Variants in SLC35F3 observed in about 807,000 individuals in gnomAD.
SLC35F3 encodes the protein solute carrier family 35 member F3.
Under a neutral mutation model 49.9 loss-of-function variants are expected in SLC35F3, and 25 were observed. The ratio of observed to expected loss-of-function variants is 0.50; its 90% CI spans 0.37 to 0.70. The LOEUF is 0.70. SLC35F3 is among the 30% of genes least tolerant of loss of function. The probability of loss-of-function intolerance (pLI) is 0.00; values close to 1 mark genes in which losing one functional copy is unlikely to be tolerated. For missense variants in SLC35F3, 525 were observed against 639.8 expected (o/e 0.82, Z 1.94); for synonymous variants, 275 against 265.4 (o/e 1.04, Z -0.35).
rs568286043 is a variant in SLC35F3 at position 234,148,851 on chromosome 1, G to T, written c.284-82566G>T. Among the ~76,000 whole-genome samples, 7 of 152,096 alleles carry T rather than the reference G, an allele frequency of 4.6e-5. No individual in the cohort carries two copies. The South Asian group carries it at 1.5e-3, about 32-fold the overall frequency. ...CTGATGAACTGGATATGAGGGAAGA[G>T]GAAAAAAAAGAAATTGACTCCTAGG... On this transcript the variant is annotated intron_variant, in intron 2 of 7. Coordinates refer to ENST00000366618, the MANE Select transcript of SLC35F3 (RefSeq NM_173508.4).
At chr1:234,088,262 C>T (rs1664989235) in intron 2 of SLC35F3, among the ~76,000 whole-genome samples, 1 of 152,204 alleles carries the variant, frequency 6.6e-6, no homozygotes, top group Non-Finnish European at 1.5e-5. Flanking sequence ...GGCTGCAGTA[C>T]AGTGGCGCGA....
intron 2 of SLC35F3, among the ~76,000 whole-genome samples, chr1:234,115,156 G>C (rs574486207): frequency 6.6e-6 from 1 of 152,132 alleles, no homozygotes. Context: ...GCCCCAGTAA[G>C]GAAGTGTCTA....
chr1:234,234,575 G>GGAA (rs1667433967), intron 3 of SLC35F3, among the ~76,000 whole-genome samples: 1 of 152,158 alleles, frequency 6.6e-6, no homozygotes, highest in Non-Finnish European at 1.5e-5. Context: ...ATGCCCTGGA[G>GGAA]TTGTTGAGTC....
intron 3 of SLC35F3, among the ~76,000 whole-genome samples, chr1:234,263,926 T>C (rs1241422979): frequency 1.3e-5 from 2 of 152,088 alleles, no homozygotes; most frequent in African/African-American, 4.8e-5. Context: ...CTGGCCAACA[T>C]GGTGAAGCCC....
intron 2 of SLC35F3, among the ~76,000 whole-genome samples, chr1:234,149,614 T>TTA (rs1462771387): frequency 6.6e-6 from 1 of 152,150 alleles, no homozygotes; most frequent in African/African-American, 2.4e-5. Context: ...ATCCTATGAA[T>TTA]TCCTGGACAT....
At chr1:233,912,018 T>G (rs1046364774) in intron 2 of SLC35F3, among the ~76,000 whole-genome samples, 3 of 152,194 alleles carry the variant, frequency 2.0e-5, no homozygotes, top group Admixed American at 6.5e-5. Flanking sequence ...TAAATCCACA[T>G]GCAAATGCAC....
In SLC35F3 at chr1:234,318,864, C is replaced by T. The variant is rs766681527; in HGVS notation, c.1068C>T (p.Tyr356=). 94 of 1,614,060 alleles carry T rather than the reference C, an allele frequency of 5.8e-5. No homozygotes were observed. Among genetic ancestry groups the T allele is most frequent in the Non-Finnish European group, 7.5e-5 (89 of 1,180,030 alleles). ...LFITCIPIIL[Y]FTKVEYWSSF... ...TCACCTGCATTCCTATTATCCTCTACTTTACCAAAGTGGAATACTGGAGCT... is the reference window on the plus strand; with the variant it reads ...TCACCTGCATTCCTATTATCCTCTATTTTACCAAAGTGGAATACTGGAGCT... Residue 356 remains tyrosine, a synonymous_variant, in exon 6 of 8, where the codon TAC becomes TAT. Transcript: ENST00000366618.
At chr1:234,122,569 T>C (rs985236468) in intron 2 of SLC35F3, among the ~76,000 whole-genome samples, 25 of 152,160 alleles carry the variant, frequency 1.6e-4, no homozygotes, top group Admixed American at 2.6e-4. Flanking sequence ...ATCATCTAGG[T>C]TTTAAGCCCC....
intron 3 of SLC35F3, among the ~76,000 whole-genome samples, chr1:234,289,066 A>G (rs1250329036): frequency 6.6e-6 from 1 of 152,228 alleles, no homozygotes; most frequent in Non-Finnish European, 1.5e-5. Flanking sequence ...GATGAGCACA[A>G]TTTTGAGGCA....
At chr1:234,010,534 A>G in intron 2 of SLC35F3, among the ~76,000 whole-genome samples, 1 of 152,202 alleles carries the variant, frequency 6.6e-6, no homozygotes, top group East Asian at 1.9e-4. Flanking sequence ...AATCTCCAAT[A>G]AAAAGACAGA....
chr1:234,322,896 G>C (rs1657660036), intron 7 of SLC35F3, 112 bp from the exon 8 acceptor site: 1 of 861,574 alleles, frequency 1.2e-6, no homozygotes, highest in Admixed American at 2.1e-5. Flanking sequence ...TGTGGTCCAG[G>C]GAAGACCACA....
intron 2 of SLC35F3, among the ~76,000 whole-genome samples, chr1:234,068,923 T>C (rs1664664974): frequency 7.9e-6 from 1 of 127,292 alleles, no homozygotes; most frequent in South Asian, 2.3e-4. Flanking sequence ...ATATGTAATA[T>C]ATTATATATA....
At chr1:233,971,950 G>T (rs987027984) in intron 2 of SLC35F3, among the ~76,000 whole-genome samples, 1 of 152,238 alleles carries the variant, frequency 6.6e-6, no homozygotes, top group Non-Finnish European at 1.5e-5. Flanking sequence ...AGCCTACAGC[G>T]TGCTGGCCTG....
At chr1:233,998,038 C>T (rs1445312862) in intron 2 of SLC35F3, among the ~76,000 whole-genome samples, 1 of 152,084 alleles carries the variant, frequency 6.6e-6, no homozygotes, top group East Asian at 1.9e-4. Context: ...AGGAGTGAGC[C>T]ACCGCGCCCA....
rs1021278985 is a variant in SLC35F3 at position 234,115,266 on chromosome 1, A to C, written c.284-116151A>C. ...ACTCATCGACACCTTTTACTCTTTA[A>C]TATTGCTGCCCCTTTTACTCCTGGC... On this transcript the variant is annotated intron_variant, in intron 2 of 7. Transcript: ENST00000366618. Among the ~76,000 whole-genome samples, 20 of 152,282 alleles carry C rather than the reference A, an allele frequency of 1.3e-4. No homozygotes were observed. The East Asian group carries it at 2.7e-3, about 21-fold the overall frequency.
intron 3 of SLC35F3, chr1:234,268,487 G>C (rs1668044332): frequency 6.6e-6 from 1 of 152,354 alleles, no homozygotes; most frequent in African/African-American, 2.4e-5. Flanking sequence ...GAGGGGGAGA[G>C]GGAGAGAAAG....
intron 2 of SLC35F3, among the ~76,000 whole-genome samples, chr1:234,138,658 C>T (rs1372014850): frequency 6.6e-6 from 1 of 152,144 alleles, no homozygotes; most frequent in African/African-American, 2.4e-5. Flanking sequence ...AATGATCCTC[C>T]CACCTCAGCC....
chr1:234,192,569 A>G (rs1005898773), intron 2 of SLC35F3, among the ~76,000 whole-genome samples: 16 of 152,212 alleles, frequency 1.1e-4, no homozygotes, highest in African/African-American at 2.9e-4. Flanking sequence ...CTTCTATTCA[A>G]CATAGTACTG....
intron 2 of SLC35F3, among the ~76,000 whole-genome samples, chr1:234,164,765 A>G (rs1455240274): frequency 1.5e-5 from 2 of 131,624 alleles, no homozygotes; most frequent in Non-Finnish European, 3.1e-5. Context: ...TTTCTCAAGG[A>G]GAGTTGTGTT....
Sources: allele counts gnomAD v4.1 joint callset (sites outside exome capture counted in the v4.1 genomes callset), GRCh38; gene constraint gnomAD v4.1.1; transcripts MANE v1.5; gene names NCBI Gene and HGNC (gene_info 2026-07-23, HGNC 2026-07-21).